Variants in SIPA1L2 observed in about 807,000 individuals in gnomAD.
The protein encoded by SIPA1L2 is signal induced proliferation associated 1 like 2, also known as signal-induced proliferation-associated 1-like protein 2.
A neutral mutation model predicts 163.9 loss-of-function variants in SIPA1L2; 56 were observed. That is an observed-to-expected ratio of 0.34 (90% confidence interval 0.28 to 0.43). The LOEUF (loss-of-function observed/expected upper bound fraction) is 0.43. SIPA1L2 is among the 20% of genes least tolerant of loss of function. The pLI is 1.00. For missense variants in SIPA1L2, 1,974 were observed against 2,193.5 expected (o/e 0.90, Z 2.00); for synonymous variants, 877 against 865.7 (o/e 1.01, Z -0.23).
At chr1:232,624,778 A>AT (rs1312817741) in intron 1 of SIPA1L2, among the ~76,000 whole-genome samples, 2 of 152,238 alleles carry the variant, frequency 1.3e-5, no homozygotes, top group Non-Finnish European at 2.9e-5. Flanking sequence ...CTAAATGTTT[A>AT]TTAGTAAAAT....
intron 10 of SIPA1L2, among the ~76,000 whole-genome samples, chr1:232,448,017 T>C (rs1444041358): frequency 6.6e-6 from 1 of 152,218 alleles, no homozygotes; most frequent in Non-Finnish European, 1.5e-5. Context: ...GTCCATCATG[T>C]GAAAGTCAGG....
At chr1:232,410,148 C>T (rs975061826) in intron 19 of SIPA1L2, among the ~76,000 whole-genome samples, 2 of 152,052 alleles carry the variant, frequency 1.3e-5, no homozygotes, top group African/African-American at 2.4e-5. Flanking sequence ...AGTACACTTG[C>T]TTAGTTTCTG....
chr1:232,519,152 C>T (rs1229463358), intron 2 of SIPA1L2, among the ~76,000 whole-genome samples: 2 of 152,184 alleles, frequency 1.3e-5, no homozygotes, highest in Non-Finnish European at 2.9e-5. Context: ...CAGCTTCCCA[C>T]CCCCACTTCC....
At chr1:232,399,551 A>G (rs1660207835) in intron 22 of SIPA1L2, among the ~76,000 whole-genome samples, 1 of 152,022 alleles carries the variant, frequency 6.6e-6, no homozygotes, top group Non-Finnish European at 1.5e-5. Flanking sequence ...ATCATAGTTT[A>G]TATTACCCTC....
intron 1 of SIPA1L2, among the ~76,000 whole-genome samples, chr1:232,626,230 C>CTTTTTTTTTTTTT (rs56703620): frequency 7.5e-6 from 1 of 133,724 alleles, no homozygotes; most frequent in Admixed American, 7.6e-5. Context: ...CTAATATTTG[C>CTTTTTTTTTTTTT]TTTTTTTTTT....
At chr1:232,628,465 C>A (rs1426249120) in intron 1 of SIPA1L2, among the ~76,000 whole-genome samples, 2 of 152,168 alleles carry the variant, frequency 1.3e-5, no homozygotes, top group Non-Finnish European at 2.9e-5. Flanking sequence ...GAAATATTGT[C>A]TAAACAGAAT....
At chr1:232,480,148 T>TGTGC (rs1460002181) in intron 6 of SIPA1L2, among the ~76,000 whole-genome samples, 9 of 123,264 alleles carry the variant, frequency 7.3e-5, no homozygotes, top group African/African-American at 7.7e-5. Flanking sequence ...TCTGTGTGTG[T>TGTGC]GTGTGCGTGT....
In SIPA1L2 at chr1:232,514,018, G is replaced by C. The variant is rs774280766; in HGVS notation, c.1322C>G (p.Ser441Cys). ...GTGAGAGCTGAGTGACGATTCGAAA[G>C]AGCAGCTTTCCCCAGAACTGAAAGA... ...SSSFSSGESCSFESSLSSHCT... is the reference protein window; with the variant it reads ...SSSFSSGESCCFESSLSSHCT... The change falls in exon 3 of 23, where the codon TCT (serine) becomes TGT (cysteine). Residue 441 changes from serine (S) to cysteine (C), a missense_variant. By Grantham distance (112) the Ser-to-Cys change is moderately radical (BLOSUM62 -1). Coordinates refer to ENST00000674635, the MANE Select transcript of SIPA1L2 (RefSeq NM_020808.5). 3.7e-6 allele frequency: 6 copies of C among 1,614,100 alleles called. No individual in the cohort carries two copies. The highest frequency in any genetic ancestry group is 2.7e-5 in the African/African-American group (2 of 74,944).
At chr1:232,403,379 C>A in intron 21 of SIPA1L2, 69 bp downstream of exon 21, 2 of 1,566,686 alleles carry the variant, frequency 1.3e-6, no homozygotes, top group Middle Eastern at 1.7e-4. Flanking sequence ...CAGGGTTAGT[C>A]GGTTAGCCGA....
At chr1:232,620,116 C>G (rs1420297781) in intron 1 of SIPA1L2, among the ~76,000 whole-genome samples, 1 of 152,196 alleles carries the variant, frequency 6.6e-6, no homozygotes, top group Non-Finnish European at 1.5e-5. Flanking sequence ...AACTCCTGAA[C>G]TCATGATCCG....
intron 3 of SIPA1L2, among the ~76,000 whole-genome samples, chr1:232,507,176 A>ATTTT (rs11373672): frequency 1.4e-5 from 2 of 146,836 alleles, no homozygotes; most frequent in Non-Finnish European, 1.5e-5. Flanking sequence ...ACGGTCTGTG[A>ATTTT]TTTTTTTTTT....
chr1:232,452,995 CA>C (rs1372372482), intron 10 of SIPA1L2, among the ~76,000 whole-genome samples: 1 of 152,154 alleles, frequency 6.6e-6, no homozygotes, highest in East Asian at 1.9e-4. Context: ...CATTAAACTG[CA>C]AAAGGCACAT....
chr1:232,568,265 G>C (rs931174172), intron 2 of SIPA1L2, among the ~76,000 whole-genome samples: 2 of 152,226 alleles, frequency 1.3e-5, no homozygotes, highest in Non-Finnish European at 2.9e-5. Flanking sequence ...AAAGGAAGGA[G>C]AGTCCTGGGA....
intron 2 of SIPA1L2, among the ~76,000 whole-genome samples, chr1:232,516,308 T>C (rs1394479513): frequency 6.6e-6 from 1 of 152,240 alleles, no homozygotes; most frequent in Admixed American, 6.5e-5. Flanking sequence ...AGTGAGATAC[T>C]GGGTAAGAAG....
In SIPA1L2 at chr1:232,519,850, C is replaced by T. The variant is rs1056472079; in HGVS notation, c.-269-4242G>A. ...ATTAAAGGCACAAGGATACTAACTG[C>T]TTTCCTAAGTGAATAGTTAAATGGA... On this transcript the variant is annotated intron_variant, in intron 2 of 22. Transcript: ENST00000674635. Among the ~76,000 whole-genome samples, 4 of 152,320 alleles carry T rather than the reference C, an allele frequency of 2.6e-5. No individual in the cohort carries two copies. The East Asian group carries it at 5.8e-4, about 22-fold the overall frequency.
chr1:232,495,443 T>C (rs540931610), intron 3 of SIPA1L2, among the ~76,000 whole-genome samples: 2 of 151,782 alleles, frequency 1.3e-5, no homozygotes, highest in Admixed American at 1.3e-4. Context: ...CAGGTGCCTA[T>C]AGTCCCAGCT....
chr1:232,422,798 T>C (rs1430664937), intron 18 of SIPA1L2, among the ~76,000 whole-genome samples: 1 of 152,196 alleles, frequency 6.6e-6, no homozygotes, highest in African/African-American at 2.4e-5. Context: ...CTCAAAGACA[T>C]CTTCTGGGCA....
At chr1:232,441,238 A>G in intron 14 of SIPA1L2, 53 bp downstream of exon 14, 2 of 1,378,282 alleles carry the variant, frequency 1.5e-6, no homozygotes, top group Non-Finnish European at 2.0e-6. Flanking sequence ...CTGTGTGCTG[A>G]GACAGATCAG....
At chr1:232,495,115 G>C (rs1208924422) in intron 3 of SIPA1L2, among the ~76,000 whole-genome samples, 4 of 152,160 alleles carry the variant, frequency 2.6e-5, no homozygotes, top group Admixed American at 6.5e-5. Flanking sequence ...GAATCACTCA[G>C]AACACACACT....
Sources: gnomAD v4.1 joint callset for allele counts (sites outside exome capture counted in the v4.1 genomes callset) on GRCh38, gnomAD v4.1.1 for gene constraint, MANE v1.5 for transcripts, NCBI Gene and HGNC (gene_info 2026-07-23, HGNC 2026-07-21) for gene names.